The following NXPH1 variants were observed in gnomAD, a reference collection of about 807,000 sequenced individuals.
The protein encoded by NXPH1 is neurexophilin 1.
In NXPH1, 5 loss-of-function variants were observed where a neutral mutation model predicts 23.7. That is an observed-to-expected ratio of 0.21 (90% confidence interval 0.11 to 0.44). The LOEUF (loss-of-function observed/expected upper bound fraction) is 0.44, where lower values mean the gene tolerates loss of function less well. Among genes scored for constraint, NXPH1 ranks in the 20% least tolerant of loss-of-function variants. The probability of loss-of-function intolerance (pLI) is 0.99; values close to 1 mark genes in which losing one functional copy is unlikely to be tolerated. For missense variants in NXPH1, 324 were observed against 321.6 expected (o/e 1.01, Z -0.06); for synonymous variants, 144 against 122.2 (o/e 1.18, Z -1.18).
intron 2 of NXPH1, among the ~76,000 whole-genome samples, chr7:8,617,243 C>T (rs910377851): frequency 1.3e-5 from 2 of 151,982 alleles, no homozygotes; most frequent in African/African-American, 2.4e-5. Flanking sequence ...CAAGAACTCT[C>T]TTCATGAGGT....
chr7:8,557,906 C>CT (rs1018996014), intron 2 of NXPH1, among the ~76,000 whole-genome samples: 1 of 151,668 alleles, frequency 6.6e-6, no homozygotes, highest in African/African-American at 2.4e-5. Context: ...TGCTTCTTTA[C>CT]TTTCTGATCA....
At chr7:8,741,294 C>G (rs1347700062) in intron 2 of NXPH1, among the ~76,000 whole-genome samples, 1 of 152,060 alleles carries the variant, frequency 6.6e-6, no homozygotes, top group Non-Finnish European at 1.5e-5. Context: ...TCTTCTTTTT[C>G]CATTCATCCC....
At chr7:8,698,569 G>T (rs1779572097) in intron 2 of NXPH1, among the ~76,000 whole-genome samples, 1 of 151,968 alleles carries the variant, frequency 6.6e-6, no homozygotes, top group Admixed American at 6.6e-5. Flanking sequence ...TAGTATCTAC[G>T]CATTTACATA....
intron 2 of NXPH1, among the ~76,000 whole-genome samples, chr7:8,489,477 T>A (rs1817213395): frequency 6.6e-6 from 1 of 152,086 alleles, no homozygotes; most frequent in Non-Finnish European, 1.5e-5. Context: ...TATTCTCACA[T>A]TTAGTGTCAC....
intron 2 of NXPH1, among the ~76,000 whole-genome samples, chr7:8,568,647 CAAAAA>C (rs79150555): frequency 3.7e-5 from 4 of 108,586 alleles, no homozygotes; most frequent in African/African-American, 1.1e-4. Flanking sequence ...TCATTCTTAG[CAAAAA>C]AAAAAAAAAA....
intron 2 of NXPH1, among the ~76,000 whole-genome samples, chr7:8,476,332 C>G (rs1816971148): frequency 6.6e-6 from 1 of 152,088 alleles, no homozygotes; most frequent in Admixed American, 6.6e-5. Flanking sequence ...AAACACTTAA[C>G]CTACTTTTTC....
chr7:8,522,527 T>C (rs1169212502), intron 2 of NXPH1, among the ~76,000 whole-genome samples: 2 of 152,232 alleles, frequency 1.3e-5, no homozygotes, highest in Admixed American at 6.5e-5. Context: ...TTGAGAGACA[T>C]GTTTATGAAT....
At chr7:8,554,536 T>A (rs1043213690) in intron 2 of NXPH1, among the ~76,000 whole-genome samples, 1 of 151,716 alleles carries the variant, frequency 6.6e-6, no homozygotes, top group Non-Finnish European at 1.5e-5. Flanking sequence ...TATAATAGGC[T>A]CTTAGTACAT....
intron 2 of NXPH1, among the ~76,000 whole-genome samples, chr7:8,744,542 C>T (rs760334596): frequency 2.0e-5 from 3 of 152,110 alleles, no homozygotes; most frequent in Admixed American, 6.5e-5. Context: ...TTCTTTATTA[C>T]CACACGTTTC....
chr7:8,663,811 A>G (rs1288284343), intron 2 of NXPH1, among the ~76,000 whole-genome samples: 1 of 152,088 alleles, frequency 6.6e-6, no homozygotes, highest in Non-Finnish European at 1.5e-5. Flanking sequence ...GTCTTAATTC[A>G]TGGAGATAGC....
intron 2 of NXPH1, among the ~76,000 whole-genome samples, chr7:8,654,348 A>G (rs79775650): frequency 0.041 from 6,208 of 152,286 alleles, 307 homozygotes; most frequent in East Asian, 0.17. Context: ...TGAGGGGCGA[A>G]TATGTGTAGC....
intron 2 of NXPH1, among the ~76,000 whole-genome samples, chr7:8,550,175 C>G (rs574011959): frequency 6.6e-6 from 1 of 151,674 alleles, no homozygotes; most frequent in Admixed American, 6.6e-5. Flanking sequence ...CTGTCCTTGG[C>G]TAAAGCCACT....
At chr7:8,559,882 G>T (rs1397189528) in intron 2 of NXPH1, among the ~76,000 whole-genome samples, 1 of 151,654 alleles carries the variant, frequency 6.6e-6, no homozygotes, top group Non-Finnish European at 1.5e-5. Context: ...TGCCAAATCT[G>T]ATCCATTTGT....
chr7:8,578,010 A>G (rs753426408), intron 2 of NXPH1, among the ~76,000 whole-genome samples: 1 of 152,188 alleles, frequency 6.6e-6, no homozygotes, highest in Non-Finnish European at 1.5e-5. Context: ...AAATACTCTG[A>G]GCCAGAAATA....
intron 2 of NXPH1, among the ~76,000 whole-genome samples, chr7:8,551,849 G>A (rs536276779): frequency 7.1e-4 from 107 of 151,426 alleles, no homozygotes; most frequent in African/African-American, 2.6e-3. Context: ...ACCATTTTAG[G>A]TTAAACAGTC....
At chr7:8,615,907 AAGTATAAG>A (rs1381420171) in intron 2 of NXPH1, among the ~76,000 whole-genome samples, 1 of 152,090 alleles carries the variant, frequency 6.6e-6, no homozygotes, top group African/African-American at 2.4e-5. Context: ...CAGGGAAATA[AAGTATAAG>A]AGGTAAACAG....
At chr7:8,484,625 C>T (rs1168944055) in intron 2 of NXPH1, among the ~76,000 whole-genome samples, 1 of 152,044 alleles carries the variant, frequency 6.6e-6, no homozygotes, top group Non-Finnish European at 1.5e-5. Flanking sequence ...ATTTACTGAA[C>T]TTGTTTGAGT....
chr7:8,592,480 T>G (rs2128625552), intron 2 of NXPH1, among the ~76,000 whole-genome samples: 1 of 152,130 alleles, frequency 6.6e-6, no homozygotes. Context: ...ACTTTTGAAG[T>G]TGTAAATTGG....
intron 2 of NXPH1, among the ~76,000 whole-genome samples, chr7:8,450,998 C>G (rs1437885146): frequency 6.6e-6 from 1 of 151,978 alleles, no homozygotes; most frequent in Non-Finnish European, 1.5e-5. Flanking sequence ...CAACTTTGAA[C>G]TTTAAAAAAT....
Sources: gnomAD v4.1 joint callset for allele counts (sites outside exome capture counted in the v4.1 genomes callset) on GRCh38, gnomAD v4.1.1 for gene constraint, MANE v1.5 for transcripts, NCBI Gene and HGNC (gene_info 2026-07-23, HGNC 2026-07-21) for gene names.